ATP8A2: variants seen among roughly 807,000 people sequenced by gnomAD.
ATP8A2 encodes the protein ATPase phospholipid transporting 8A2.
Under a neutral mutation model 165.6 loss-of-function variants are expected in ATP8A2, and 100 were observed. The observed-to-expected ratio is 0.60, with a 90% CI of 0.51 to 0.71. The LOEUF (loss-of-function observed/expected upper bound fraction) is 0.71. ATP8A2 is among the 30% of genes least tolerant of loss of function. The pLI is 0.00. For synonymous variants in ATP8A2, 543 were observed against 548.8 expected, an observed-to-expected ratio of 0.99 and a Z score of 0.15; for missense variants, 1,227 against 1,479.5, an observed-to-expected ratio of 0.83 and a Z score of 2.80.
At chr13:26,018,747 T>C (rs1218210804) in intron 36 of ATP8A2, among the ~76,000 whole-genome samples, 5 of 152,154 alleles carry the variant, frequency 3.3e-5, no homozygotes, top group African/African-American at 1.2e-4. Context: ...CTGGGTTTGC[T>C]TCCCAGCTCT....
intron 1 of ATP8A2, among the ~76,000 whole-genome samples, chr13:25,442,592 T>C (rs1309909714): frequency 6.6e-6 from 1 of 152,180 alleles, no homozygotes. Flanking sequence ...TAAAATAATT[T>C]TTTTGTAGAG....
intron 27 of ATP8A2, among the ~76,000 whole-genome samples, chr13:25,786,888 T>G (rs926317744): frequency 3.3e-5 from 5 of 152,050 alleles, no homozygotes; most frequent in Admixed American, 1.3e-4. Context: ...CCCCAGTAGC[T>G]GGGATTACAG....
intron 33 of ATP8A2, among the ~76,000 whole-genome samples, chr13:25,919,625 C>G (rs535827541): frequency 1.3e-5 from 2 of 152,152 alleles, no homozygotes. Flanking sequence ...TTCCCTACTT[C>G]CAGGTCAGCC....
chr13:25,575,292 A>G (rs1365480214), intron 19 of ATP8A2, among the ~76,000 whole-genome samples: 1 of 152,196 alleles, frequency 6.6e-6, no homozygotes, highest in Non-Finnish European at 1.5e-5. Flanking sequence ...AGTTCATCCC[A>G]TTAGAGGCTG....
At chr13:25,828,318 A>G in intron 28 of ATP8A2, 126 bp downstream of exon 28, 2 of 815,918 alleles carry the variant, frequency 2.5e-6, no homozygotes, top group Non-Finnish European at 2.1e-6. Context: ...CAGCACAAAT[A>G]CATCTTTGGG....
At position 25,817,364 on chromosome 13, in the gene ATP8A2, A is replaced by G. The variant is rs765956024; in HGVS notation, c.2680-10754A>G. Among the ~76,000 whole-genome samples, 299 of 49,332 alleles carry G rather than the reference A, an allele frequency of 6.1e-3. 1 individual carries two copies. The highest frequency in any genetic ancestry group is 9.3e-3 in the African/African-American group (197 of 21,076). The allele number at this position is 49,332 out of a possible 152,430, so 32.4% of individuals were successfully genotyped here. On this transcript the variant is annotated intron_variant, in intron 27 of 36. Coordinates refer to ENST00000381655, the MANE Select transcript of ATP8A2 (RefSeq NM_016529.6). ...ATGGTCTTTTATGGGGGGGGGGGGA[A>G]ACACGATTTTGTGTTTACCTGATGT...
intron 1 of ATP8A2, among the ~76,000 whole-genome samples, chr13:25,466,849 A>G (rs891543203): frequency 4.6e-5 from 7 of 152,226 alleles, no homozygotes; most frequent in African/African-American, 1.7e-4. Context: ...GTGCAGTGAG[A>G]CAGAGCATCC....
intron 1 of ATP8A2, among the ~76,000 whole-genome samples, chr13:25,403,111 A>T (rs1373361089): frequency 6.6e-6 from 1 of 152,184 alleles, no homozygotes; most frequent in Non-Finnish European, 1.5e-5. Flanking sequence ...ATTGGGGATT[A>T]CATTTCAATA....
At position 26,025,556 on chromosome 13, in the gene ATP8A2, G is replaced by C. The variant is rs55673289; in HGVS notation, c.*5571G>C. 4.3e-3 allele frequency: 661 copies of C among 152,422 alleles called. 4 individuals are homozygous for C. The highest frequency in any genetic ancestry group is 0.015 in the South Asian group (70 of 4,826). The allele number at this position is 152,422 out of a possible 1,614,324, so 9.4% of individuals were successfully genotyped here. ...TGCAGAGGGAAGCAGGGCTGTGGGG[G>C]CACGTTTAATTGGCTCCCAGCAGCG... On this transcript the variant is annotated 3_prime_UTR_variant, in exon 37 of 37. Transcript: ENST00000381655.
chr13:25,761,609 C>T (rs1254795040), intron 25 of ATP8A2, among the ~76,000 whole-genome samples: 1 of 150,116 alleles, frequency 6.7e-6, no homozygotes, highest in Non-Finnish European at 1.5e-5. Flanking sequence ...GAGATCCTGT[C>T]TCAAAAAAAG....
intron 25 of ATP8A2, among the ~76,000 whole-genome samples, chr13:25,755,289 GAC>G (rs2044237170): frequency 6.6e-6 from 1 of 152,078 alleles, no homozygotes; most frequent in African/African-American, 2.4e-5. Flanking sequence ...TTCACCCAGG[GAC>G]AAAGCTACAG....
chr13:25,669,827 G>T (rs950756937), intron 24 of ATP8A2, among the ~76,000 whole-genome samples: 5 of 152,172 alleles, frequency 3.3e-5, no homozygotes, highest in African/African-American at 9.7e-5. Context: ...TGCCTGAAAT[G>T]CCACTGCAGC....
chr13:25,723,643 G>A (rs1374664399), intron 25 of ATP8A2, among the ~76,000 whole-genome samples: 1 of 152,156 alleles, frequency 6.6e-6, no homozygotes, highest in Non-Finnish European at 1.5e-5. Flanking sequence ...TGTAGCGATT[G>A]TTAGCTGTTG....
intron 1 of ATP8A2, among the ~76,000 whole-genome samples, chr13:25,465,098 G>A (rs2035599154): frequency 6.6e-6 from 1 of 152,184 alleles, no homozygotes; most frequent in Admixed American, 6.5e-5. Flanking sequence ...TTAAATGGTG[G>A]AGGTGTAAGC....
chr13:25,430,224 G>T (rs2034569230), intron 1 of ATP8A2, among the ~76,000 whole-genome samples: 2 of 152,042 alleles, frequency 1.3e-5, no homozygotes, highest in African/African-American at 4.8e-5. Flanking sequence ...AAAAGAGGCT[G>T]TGACCTCTGG....
chr13:25,720,167 C>CTTTTTCTTTTTTTTTTTT (rs1462225714), intron 25 of ATP8A2, among the ~76,000 whole-genome samples: 1 of 117,288 alleles, frequency 8.5e-6, no homozygotes, highest in African/African-American at 3.8e-5. Context: ...TATACTTTTT[C>CTTTTTCTTTTTTTTTTTT]TTTTTTTTTT....
At chr13:25,646,470 A>G (rs895621506) in intron 24 of ATP8A2, among the ~76,000 whole-genome samples, 7 of 152,004 alleles carry the variant, frequency 4.6e-5, no homozygotes, top group African/African-American at 1.4e-4. Flanking sequence ...CCTGGCCAAG[A>G]TGGTGAAACC....
At chr13:25,875,585 A>G (rs1242242313) in intron 33 of ATP8A2, among the ~76,000 whole-genome samples, 1 of 151,934 alleles carries the variant, frequency 6.6e-6, no homozygotes, top group Non-Finnish European at 1.5e-5. Context: ...AGTGATTAAT[A>G]GATTAATGAA....
intron 33 of ATP8A2, among the ~76,000 whole-genome samples, chr13:25,900,073 C>T (rs551093885): frequency 6.6e-6 from 1 of 152,166 alleles, no homozygotes; most frequent in East Asian, 1.9e-4. Context: ...AGCTTTATTT[C>T]TCATAAAGGG....
Sources: gnomAD v4.1 joint callset for allele counts (sites outside exome capture counted in the v4.1 genomes callset) on GRCh38, gnomAD v4.1.1 for gene constraint, MANE v1.5 for transcripts, NCBI Gene and HGNC (gene_info 2026-07-23, HGNC 2026-07-21) for gene names.